Variants in RETREG1 observed in about 807,000 individuals in gnomAD.
RETREG1 encodes the protein family with sequence similarity 134 member B.
In RETREG1, 44 loss-of-function variants were observed where a neutral mutation model predicts 54.8. That is an observed-to-expected ratio of 0.80 (90% CI 0.63 to 1.03). The LOEUF (loss-of-function observed/expected upper bound fraction) is 1.03. Among genes scored for constraint, RETREG1 ranks in the 50% least tolerant of loss-of-function variants. The probability of loss-of-function intolerance (pLI) is 0.00; values close to 1 mark genes in which losing one functional copy is unlikely to be tolerated. For synonymous variants in RETREG1, 217 were observed against 238.5 expected, an observed-to-expected ratio of 0.91 and a Z score of 0.83; for missense variants, 554 against 605.1, an observed-to-expected ratio of 0.92 and a Z score of 0.89.
intron 3 of RETREG1, among the ~76,000 whole-genome samples, chr5:16,497,492 G>C (rs1333731229): frequency 6.6e-6 from 1 of 152,176 alleles, no homozygotes; most frequent in Admixed American, 6.5e-5. Flanking sequence ...CAGTTAACCT[G>C]GGCTTTAGCA....
intron 1 of RETREG1, among the ~76,000 whole-genome samples, chr5:16,612,325 A>G (rs1238754674): frequency 6.6e-6 from 1 of 152,192 alleles, no homozygotes; most frequent in Non-Finnish European, 1.5e-5. Flanking sequence ...TAAACCACAA[A>G]AAGTTGATAT....
chr5:16,527,029 G>A (rs577185546), intron 3 of RETREG1, among the ~76,000 whole-genome samples: 9 of 152,352 alleles, frequency 5.9e-5, no homozygotes, highest in African/African-American at 2.2e-4. Flanking sequence ...TCTGCAAGGT[G>A]TGGGCTGAGG....
chr5:16,546,288 C>G (rs1161561024), intron 3 of RETREG1, among the ~76,000 whole-genome samples: 1 of 152,180 alleles, frequency 6.6e-6, no homozygotes. Flanking sequence ...CCACCCCAGC[C>G]TCCCAAGCAG....
intron 1 of RETREG1, among the ~76,000 whole-genome samples, chr5:16,603,137 T>C (rs753746605): frequency 2.6e-5 from 4 of 152,154 alleles, no homozygotes; most frequent in Non-Finnish European, 4.4e-5. Flanking sequence ...GGGTAAGAAA[T>C]TGCTGCATTT....
At chr5:16,538,967 G>A (rs112172794) in intron 3 of RETREG1, among the ~76,000 whole-genome samples, 81 of 152,290 alleles carry the variant, frequency 5.3e-4, no homozygotes, top group Middle Eastern at 6.8e-3. Context: ...GCCTCCCAGA[G>A]TGCTGGGATA....
chr5:16,542,433 G>A (rs1741275933), intron 3 of RETREG1, among the ~76,000 whole-genome samples: 1 of 152,142 alleles, frequency 6.6e-6, no homozygotes. Context: ...ACTGTCAATA[G>A]ACGATAGTCA....
intron 3 of RETREG1, among the ~76,000 whole-genome samples, chr5:16,529,326 T>G (rs999895836): frequency 2.6e-5 from 4 of 152,212 alleles, no homozygotes; most frequent in African/African-American, 7.2e-5. Context: ...AAGTTATAGT[T>G]TATTTCCTAG....
Position 16,616,768 on chromosome 5 carries a change from T to C in RETREG1, c.204A>G (p.Val68=). The C allele has an allele frequency of 6.5e-7, 1 of 1,547,012 alleles. No homozygotes were observed. The highest frequency in any genetic ancestry group is 8.7e-7 in the Non-Finnish European group (1 of 1,154,180). The part of the protein sequence containing the change: ...EEAAGRAAAA[V]TWLLGEPVLW... ...GCACCGGCTCCCCGAGCAGCCAGGT[T>C]ACCGCGGCCGCCGCCCGGCCCGCGG... Residue 68 remains valine (V), a synonymous_variant, in exon 1 of 9, where the codon GTA becomes GTG. Coordinates refer to ENST00000306320, the MANE Select transcript of RETREG1 (RefSeq NM_001034850.3).
intron 1 of RETREG1, among the ~76,000 whole-genome samples, chr5:16,608,175 C>A (rs115441510): frequency 6.6e-6 from 1 of 152,104 alleles, no homozygotes; most frequent in Non-Finnish European, 1.5e-5. Flanking sequence ...CCACCGTGCC[C>A]GGCCCACTCT....
chr5:16,522,520 T>C (rs1295497844), intron 3 of RETREG1, among the ~76,000 whole-genome samples: 2 of 152,066 alleles, frequency 1.3e-5, no homozygotes, highest in Non-Finnish European at 2.9e-5. Flanking sequence ...GCTTTAAAAA[T>C]AGAGTAAAAC....
intron 3 of RETREG1, chr5:16,508,798 C>A (rs1740068793): frequency 4.8e-6 from 7 of 1,457,148 alleles, no homozygotes; most frequent in Non-Finnish European, 6.3e-6. Flanking sequence ...TTGGTGTTTA[C>A]AAACTTCCAA....
At chr5:16,523,140 CT>C (rs1748183027) in intron 3 of RETREG1, among the ~76,000 whole-genome samples, 1 of 151,674 alleles carries the variant, frequency 6.6e-6, no homozygotes, top group Non-Finnish European at 1.5e-5. Flanking sequence ...AGTTTTCCCC[CT>C]GTTAATATTT....
intron 2 of RETREG1, among the ~76,000 whole-genome samples, chr5:16,570,369 G>A (rs1294899815): frequency 6.6e-6 from 1 of 152,200 alleles, no homozygotes; most frequent in Non-Finnish European, 1.5e-5. Flanking sequence ...GGGGCCAGGA[G>A]TGAGAAAAAG....
intron 1 of RETREG1, among the ~76,000 whole-genome samples, chr5:16,578,109 C>T (rs1184432784): frequency 1.3e-5 from 2 of 152,158 alleles, no homozygotes; most frequent in Non-Finnish European, 2.9e-5. Flanking sequence ...CCAGCTACCC[C>T]GTCTTATTCA....
intron 3 of RETREG1, among the ~76,000 whole-genome samples, chr5:16,500,830 C>G (rs182356191): frequency 6.6e-6 from 1 of 152,262 alleles, no homozygotes; most frequent in East Asian, 1.9e-4. Context: ...AAAGAGCCCA[C>G]AGATCCTCTA....
chr5:16,528,845 ATCCTAC>A (rs1329208590), intron 3 of RETREG1, among the ~76,000 whole-genome samples: 1 of 152,118 alleles, frequency 6.6e-6, no homozygotes, highest in Non-Finnish European at 1.5e-5. Context: ...ACAATACTCA[ATCCTAC>A]CATTGTGGCA....
chr5:16,532,094 T>C (rs1299487848), intron 3 of RETREG1, among the ~76,000 whole-genome samples: 1 of 152,230 alleles, frequency 6.6e-6, no homozygotes, highest in Non-Finnish European at 1.5e-5. Flanking sequence ...TAAACAATAG[T>C]TCCTGATATC....
chr5:16,577,914 T>G (rs1742375902), intron 1 of RETREG1, among the ~76,000 whole-genome samples: 1 of 152,246 alleles, frequency 6.6e-6, no homozygotes, highest in Non-Finnish European at 1.5e-5. Context: ...CTCAGCCACG[T>G]GGAACTGTGA....
At chr5:16,522,091 T>A (rs965737789) in intron 3 of RETREG1, among the ~76,000 whole-genome samples, 1 of 138,818 alleles carries the variant, frequency 7.2e-6, no homozygotes, top group Non-Finnish European at 1.6e-5. Flanking sequence ...CTCCAAGCAA[T>A]GGGGCTTGGG....
Sources: gnomAD v4.1 joint callset for allele counts (sites outside exome capture counted in the v4.1 genomes callset) on GRCh38, gnomAD v4.1.1 for gene constraint, MANE v1.5 for transcripts, NCBI Gene and HGNC (gene_info 2026-07-23, HGNC 2026-07-21) for gene names.